The following RALGAPA2 variants were observed in gnomAD, a reference collection of about 807,000 sequenced individuals.
RALGAPA2 encodes Ral GTPase activating protein catalytic subunit alpha 2.
A neutral mutation model predicts 230.4 loss-of-function variants in RALGAPA2; 139 were observed. That is an observed-to-expected ratio of 0.60 (90% CI 0.53 to 0.69). RALGAPA2 has a LOEUF of 0.69. Among genes scored for constraint, RALGAPA2 ranks in the 30% least tolerant of loss-of-function variants. RALGAPA2 has a pLI of 0.00. For synonymous variants in RALGAPA2, 847 were observed against 837.8 expected (o/e 1.01, Z -0.19); for missense variants, 2,163 against 2,276.0 (o/e 0.95, Z 1.01).
chr20:20,547,586 A>T (rs1381052603), intron 23 of RALGAPA2, among the ~76,000 whole-genome samples: 1 of 152,242 alleles, frequency 6.6e-6, no homozygotes, highest in Non-Finnish European at 1.5e-5. Flanking sequence ...CCACCACTGG[A>T]CAGCATTCAT....
intron 16 of RALGAPA2, among the ~76,000 whole-genome samples, chr20:20,593,780 A>C (rs2065367171): frequency 6.6e-6 from 1 of 152,192 alleles, no homozygotes; most frequent in Admixed American, 6.5e-5. Flanking sequence ...CATCTTCCTA[A>C]AGATAAAGAA....
intron 23 of RALGAPA2, among the ~76,000 whole-genome samples, chr20:20,554,911 C>G (rs1480786053): frequency 6.6e-6 from 1 of 152,190 alleles, no homozygotes; most frequent in Non-Finnish European, 1.5e-5. Context: ...TTTTGAAGCA[C>G]AAAAGATTTT....
rs555745729 is a variant in RALGAPA2, at chr20:20,521,752, TTAATC to T, written c.3901-657_3901-653del. Among the ~76,000 whole-genome samples the T allele has an allele frequency of 4.5e-3, 681 of 152,346 alleles. 2 individuals carry two copies. The highest frequency in any genetic ancestry group is 8.0e-3 in the Non-Finnish European group (546 of 68,036). On this transcript the variant is annotated intron_variant, in intron 30 of 39. Coordinates refer to ENST00000202677, the MANE Select transcript of RALGAPA2 (RefSeq NM_020343.4). The stretch of plus-strand genomic sequence containing the variant: ...TAATAATTGTAACAGATTTCCCTTT[TTAATC>T]ATAAATTCAAGATCATCAACTCCAA...
chr20:20,588,294 TTGA>T (rs1172935648), intron 18 of RALGAPA2, among the ~76,000 whole-genome samples: 2 of 152,176 alleles, frequency 1.3e-5, no homozygotes, highest in Non-Finnish European at 2.9e-5. Context: ...CACAGAAAAC[TTGA>T]TGAACTATTG....
At chr20:20,434,872 G>A (rs565110208) in intron 37 of RALGAPA2, among the ~76,000 whole-genome samples, 1 of 152,300 alleles carries the variant, frequency 6.6e-6, no homozygotes, top group South Asian at 2.1e-4. Context: ...GGAGGTCAAG[G>A]CTGCAGTGAA....
intron 35 of RALGAPA2, among the ~76,000 whole-genome samples, chr20:20,496,107 C>A (rs1179371695): frequency 6.6e-6 from 1 of 152,096 alleles, no homozygotes; most frequent in Non-Finnish European, 1.5e-5. Context: ...AAGCCTGCAC[C>A]CAAAGTTACT....
intron 21 of RALGAPA2, among the ~76,000 whole-genome samples, chr20:20,572,365 C>T (rs2064671020): frequency 6.6e-6 from 1 of 151,332 alleles, no homozygotes; most frequent in Admixed American, 6.6e-5. Flanking sequence ...TTGCTTGAAC[C>T]CAGGAGGCAG....
At chr20:20,645,506 C>A (rs1236202193) in intron 4 of RALGAPA2, among the ~76,000 whole-genome samples, 1 of 152,164 alleles carries the variant, frequency 6.6e-6, no homozygotes. Flanking sequence ...ATAGAAAGGG[C>A]ATTACATGCA....
At chr20:20,634,282 T>C (rs1046256639) in intron 9 of RALGAPA2, among the ~76,000 whole-genome samples, 19 of 152,322 alleles carry the variant, frequency 1.2e-4, no homozygotes, top group African/African-American at 4.6e-4. Context: ...GATTTCGAAC[T>C]CTAAGTTTTT....
chr20:20,604,482 A>G (rs1302747976), intron 15 of RALGAPA2, among the ~76,000 whole-genome samples: 1 of 152,236 alleles, frequency 6.6e-6, no homozygotes, highest in Non-Finnish European at 1.5e-5. Context: ...AATGCATCTT[A>G]ATAGTGTGAC....
chr20:20,510,900 A>G (rs1424750963), intron 33 of RALGAPA2, among the ~76,000 whole-genome samples: 1 of 152,232 alleles, frequency 6.6e-6, no homozygotes, highest in Non-Finnish European at 1.5e-5. Context: ...GCTTTAGATA[A>G]TATGGTATGA....
At chr20:20,467,073 A>G (rs575545984) in intron 37 of RALGAPA2, among the ~76,000 whole-genome samples, 1 of 152,348 alleles carries the variant, frequency 6.6e-6, no homozygotes, top group East Asian at 1.9e-4. Flanking sequence ...AAGCTGTGGC[A>G]TCGAAACCAT....
intron 37 of RALGAPA2, among the ~76,000 whole-genome samples, chr20:20,436,669 A>G (rs2060621544): frequency 6.6e-6 from 1 of 152,234 alleles, no homozygotes. Context: ...ATGTGTTGAC[A>G]CTGTCGTCTC....
chr20:20,539,587 T>C (rs1389602499), intron 24 of RALGAPA2, among the ~76,000 whole-genome samples: 1 of 152,228 alleles, frequency 6.6e-6, no homozygotes, highest in Non-Finnish European at 1.5e-5. Flanking sequence ...AGTGAATTAA[T>C]ATATCACCTC....
rs2062170355 is a variant in RALGAPA2 at position 20,495,209 on chromosome 20, C to A, written c.5275G>T (p.Gly1759Cys). ...TCTCCAAAGGCAGTTGGGATAATAC[C>A]CCTGCGGTAGTCTCTGGAGTGTTCA... is the stretch of plus-strand genomic sequence containing the variant. ...WSEHSRDYRR[G>C]IIPTAFGDVS... Residue 1759 changes from glycine to cysteine, a missense_variant, in exon 36 of 40, where the codon GGT becomes TGT. Transcript: ENST00000202677. 1 of 1,610,284 alleles carries A rather than the reference C, an allele frequency of 6.2e-7. No individual in the cohort carries two copies. The highest frequency in any genetic ancestry group is 8.5e-7 in the Non-Finnish European group (1 of 1,177,270).
intron 37 of RALGAPA2, among the ~76,000 whole-genome samples, chr20:20,452,503 G>A (rs1011135060): frequency 6.6e-6 from 1 of 152,204 alleles, no homozygotes. Flanking sequence ...TATCCCCAGC[G>A]GAAGGGCTGT....
At chr20:20,525,470 AC>A (rs767733027) in intron 28 of RALGAPA2, among the ~76,000 whole-genome samples, 1 of 152,254 alleles carries the variant, frequency 6.6e-6, no homozygotes, top group Non-Finnish European at 1.5e-5. Context: ...CTCTGAGAGA[AC>A]AAAGTGTTCT....
intron 37 of RALGAPA2, among the ~76,000 whole-genome samples, chr20:20,463,189 GT>G (rs370131355): frequency 1.7e-4 from 25 of 145,414 alleles, no homozygotes; most frequent in East Asian, 1.0e-3. Flanking sequence ...GTAGGATTCA[GT>G]TTTTTTTTTT....
At chr20:20,609,331 C>T (rs905488682) in intron 14 of RALGAPA2, among the ~76,000 whole-genome samples, 3 of 152,036 alleles carry the variant, frequency 2.0e-5, no homozygotes, top group African/African-American at 7.3e-5. Context: ...GCATCCTTCT[C>T]GATCTACCTA....
Sources: gnomAD v4.1 joint callset for allele counts (sites outside exome capture counted in the v4.1 genomes callset) on GRCh38, gnomAD v4.1.1 for gene constraint, MANE v1.5 for transcripts, NCBI Gene and HGNC (gene_info 2026-07-23, HGNC 2026-07-21) for gene names.